CNTNAP2: variants seen among roughly 807,000 people sequenced by gnomAD.
The protein encoded by CNTNAP2 is contactin-associated protein-like 2.
CNTNAP2 carries 98 observed loss-of-function variants against 155.2 expected under a neutral mutation model. That is an observed-to-expected ratio of 0.63 (90% CI 0.54 to 0.75). CNTNAP2 has a LOEUF of 0.75. Among genes scored for constraint, CNTNAP2 ranks in the 30% least tolerant of loss-of-function variants. The pLI, the probability that CNTNAP2 is intolerant of heterozygous loss-of-function variation, is 0.00. For missense variants in CNTNAP2, 1,727 were observed against 1,688.1 expected (o/e 1.02, Z -0.40); for synonymous variants, 651 against 631.2 (o/e 1.03, Z -0.47).
intron 1 of CNTNAP2, among the ~76,000 whole-genome samples, chr7:146,747,204 T>C (rs552982962): frequency 6.6e-6 from 1 of 152,282 alleles, no homozygotes; most frequent in South Asian, 2.1e-4. Context: ...TAATATCTAA[T>C]AAATTTTCAC....
chr7:146,343,748 G>C (rs1189408945), intron 1 of CNTNAP2, among the ~76,000 whole-genome samples: 1 of 151,956 alleles, frequency 6.6e-6, no homozygotes, highest in Non-Finnish European at 1.5e-5. Context: ...TTCATTTGTT[G>C]CATTGTTAAA....
intron 1 of CNTNAP2, among the ~76,000 whole-genome samples, chr7:146,772,648 A>G (rs35167752): frequency 0.12 from 18,199 of 152,058 alleles, 1,465 homozygotes; most frequent in African/African-American, 0.23. Flanking sequence ...CAGCCTGGGC[A>G]ACAGAGTGAC....
At chr7:147,409,144 A>G (rs982116610) in intron 10 of CNTNAP2, among the ~76,000 whole-genome samples, 1 of 152,214 alleles carries the variant, frequency 6.6e-6, no homozygotes, top group Non-Finnish European at 1.5e-5. Flanking sequence ...GTAAGATTTT[A>G]CTGGGATCTG....
chr7:147,656,957 C>A (rs772288717), intron 13 of CNTNAP2, among the ~76,000 whole-genome samples: 1 of 152,114 alleles, frequency 6.6e-6, no homozygotes, highest in Non-Finnish European at 1.5e-5. Context: ...CATGATGTGT[C>A]TGTGTGTGTG....
rs111740680 is a variant in CNTNAP2, at chr7:147,166,405, C to T, written c.1348+33896C>T. Among the ~76,000 whole-genome samples the T allele has an allele frequency of 9.2e-4, 140 of 152,086 alleles. 1 individual carries two copies. Among genetic ancestry groups the T allele is most frequent in the African/African-American group, 3.1e-3 (127 of 41,472 alleles). On this transcript the variant is annotated intron_variant, in intron 8 of 23. Transcript: ENST00000361727. Reference sequence around the variant, plus strand: ...GGGACTCCGGAGGAAGGATGGGAGGCGGGTGAGGGATCAAAGACTACAAAT... The same window carrying T: ...GGGACTCCGGAGGAAGGATGGGAGGTGGGTGAGGGATCAAAGACTACAAAT...
chr7:148,241,737 G>A (rs1247860283), intron 20 of CNTNAP2, among the ~76,000 whole-genome samples: 1 of 152,174 alleles, frequency 6.6e-6, no homozygotes, highest in Non-Finnish European at 1.5e-5. Context: ...TAAGTTCTAA[G>A]CCATCAAGCC....
intron 13 of CNTNAP2, among the ~76,000 whole-genome samples, chr7:147,675,989 G>A (rs1483560342): frequency 6.6e-6 from 1 of 152,042 alleles, no homozygotes; most frequent in East Asian, 1.9e-4. Flanking sequence ...TGCATTGTAA[G>A]ATAATATGTA....
At chr7:148,145,871 T>C (rs1805167514) in intron 16 of CNTNAP2, among the ~76,000 whole-genome samples, 2 of 152,208 alleles carry the variant, frequency 1.3e-5, no homozygotes, top group African/African-American at 4.8e-5. Context: ...GATATTTTTC[T>C]GAAGTGTGTG....
At chr7:146,972,195 C>G (rs1304360532) in intron 3 of CNTNAP2, among the ~76,000 whole-genome samples, 2 of 152,088 alleles carry the variant, frequency 1.3e-5, no homozygotes, top group African/African-American at 4.8e-5. Flanking sequence ...ACACAAGTAT[C>G]AAGTCAACAA....
intron 10 of CNTNAP2, among the ~76,000 whole-genome samples, chr7:147,485,316 A>T (rs118171821): frequency 0.017 from 2,553 of 152,366 alleles, 29 homozygotes; most frequent in Non-Finnish European, 0.025. Flanking sequence ...ACAATTAGTC[A>T]TCTTAATAAA....
chr7:146,333,137 G>A (rs969989232), intron 1 of CNTNAP2, among the ~76,000 whole-genome samples: 1 of 151,672 alleles, frequency 6.6e-6, no homozygotes, highest in Non-Finnish European at 1.5e-5. Context: ...TAGAGATGGG[G>A]TTTCACCATG....
At chr7:147,896,805 T>G (rs1468387410) in intron 13 of CNTNAP2, among the ~76,000 whole-genome samples, 2 of 152,264 alleles carry the variant, frequency 1.3e-5, no homozygotes, top group East Asian at 3.9e-4. Context: ...ACAAAGGCAA[T>G]CTAGTCACCA....
At chr7:148,253,055 T>TAGATAGATGATAGATAGATA (rs57134961) in intron 20 of CNTNAP2, among the ~76,000 whole-genome samples, 1 of 138,692 alleles carries the variant, frequency 7.2e-6, no homozygotes, top group South Asian at 2.3e-4. Context: ...GATAGACAGA[T>TAGATAGATGATAGATAGATA]GATAGATAGA....
intron 15 of CNTNAP2, among the ~76,000 whole-genome samples, chr7:148,059,442 T>C (rs992470036): frequency 6.6e-6 from 1 of 151,542 alleles, no homozygotes; most frequent in Non-Finnish European, 1.5e-5. Context: ...AAATACAAAA[T>C]TATCCGGGTG....
intron 22 of CNTNAP2, among the ~76,000 whole-genome samples, chr7:148,400,904 C>A (rs986763256): frequency 6.6e-6 from 1 of 151,472 alleles, no homozygotes; most frequent in Non-Finnish European, 1.5e-5. Flanking sequence ...CACTTGAACC[C>A]AGGAAGCAGA....
At chr7:147,925,822 T>C (rs959461440) in intron 14 of CNTNAP2, among the ~76,000 whole-genome samples, 1 of 152,170 alleles carries the variant, frequency 6.6e-6, no homozygotes, top group East Asian at 1.9e-4. Context: ...TCACACAAAA[T>C]AGTTTCACTG....
In CNTNAP2 at chr7:146,781,252, C is replaced by A. The variant is rs943812469; in HGVS notation, c.208+6871C>A. On this transcript the variant is annotated intron_variant, in intron 2 of 23. Coordinates refer to ENST00000361727, the MANE Select transcript of CNTNAP2 (RefSeq NM_014141.6). ...CAAAAAAAAAAAAACAAAAAAAAAACACCCTAGGTGACAGGTTGATAGGTG... is the reference window on the plus strand; with the variant it reads ...CAAAAAAAAAAAAACAAAAAAAAAAAACCCTAGGTGACAGGTTGATAGGTG... Among the ~76,000 whole-genome samples, 1,065 of 143,158 alleles carry A rather than the reference C, an allele frequency of 7.4e-3. 7 individuals are homozygous for A. The highest frequency in any genetic ancestry group is 0.011 in the Non-Finnish European group (704 of 65,086). The allele number at this position is 143,158 out of a possible 152,430, so 93.9% of individuals were successfully genotyped here.
intron 1 of CNTNAP2, among the ~76,000 whole-genome samples, chr7:146,553,626 A>C (rs1010649519): frequency 6.6e-6 from 1 of 152,218 alleles, no homozygotes; most frequent in African/African-American, 2.4e-5. Context: ...AAGTTGGACT[A>C]ACAATTTCAT....
chr7:146,790,437 A>T (rs1802649682), intron 2 of CNTNAP2, among the ~76,000 whole-genome samples: 2 of 152,150 alleles, frequency 1.3e-5, no homozygotes, highest in African/African-American at 4.8e-5. Flanking sequence ...TATGAGTTTT[A>T]GGCTTTCAAA....
Sources: gnomAD v4.1 joint callset for allele counts (sites outside exome capture counted in the v4.1 genomes callset) on GRCh38, gnomAD v4.1.1 for gene constraint, MANE v1.5 for transcripts, NCBI Gene and HGNC (gene_info 2026-07-23, HGNC 2026-07-21) for gene names.